The following TRAP1 variants were observed in gnomAD, a reference collection of about 807,000 sequenced individuals.
TRAP1 encodes heat shock protein 75 kDa, mitochondrial.
TRAP1 carries 102 observed loss-of-function variants against 89.1 expected under a neutral mutation model. The ratio of observed to expected loss-of-function variants is 1.15; its 90% CI spans 0.98 to 1.35. The LOEUF (loss-of-function observed/expected upper bound fraction) is 1.35, where lower values mean the gene tolerates loss of function less well. TRAP1 is among the 40% of genes most tolerant of loss of function. The pLI, the probability that TRAP1 is intolerant of heterozygous loss-of-function variation, is 0.00. For missense variants in TRAP1, 1,256 were observed against 945.3 expected, an observed-to-expected ratio of 1.33 and a Z score of -4.31; for synonymous variants, 508 against 388.0, an observed-to-expected ratio of 1.31 and a Z score of -3.64.
chr16:3,708,439 C>T (rs906409054), intron 1 of TRAP1, among the ~76,000 whole-genome samples: 1 of 151,984 alleles, frequency 6.6e-6, no homozygotes, highest in Non-Finnish European at 1.5e-5. Context: ...GAGTTCAAGA[C>T]CAGCCTGATC....
intron 17 of TRAP1, 195 bp downstream of exon 17, chr16:3,658,598 G>A (rs535888326): frequency 2.0e-5 from 12 of 597,622 alleles, no homozygotes; most frequent in African/African-American, 5.6e-5. Context: ...GCTTGAACCC[G>A]GGAGGCAGAG....
intron 10 of TRAP1, 70 bp from the exon 11 acceptor site, chr16:3,671,861 C>G: frequency 6.6e-7 from 1 of 1,522,770 alleles, no homozygotes; most frequent in African/African-American, 1.4e-5. Flanking sequence ...CCCCATTAAC[C>G]TGCCCTTTGT....
At chr16:3,703,881 G>A (rs1255846575) in intron 1 of TRAP1, among the ~76,000 whole-genome samples, 3 of 151,690 alleles carry the variant, frequency 2.0e-5, no homozygotes, top group African/African-American at 7.3e-5. Context: ...CGGGCGTGGT[G>A]GCGGGTGCCT....
chr16:3,702,772 G>A (rs547038093), intron 1 of TRAP1, among the ~76,000 whole-genome samples: 2 of 151,744 alleles, frequency 1.3e-5, no homozygotes, highest in Admixed American at 1.3e-4. Flanking sequence ...GCTGGGTGCG[G>A]TGGCTCACAC....
intron 1 of TRAP1, among the ~76,000 whole-genome samples, chr16:3,705,153 G>A (rs528484284): frequency 5.3e-5 from 8 of 152,040 alleles, no homozygotes; most frequent in Non-Finnish European, 8.8e-5. Flanking sequence ...TAAGCTCTGC[G>A]TCCTGGGTTC....
At chr16:3,680,776 G>T (rs1367468885) in intron 4 of TRAP1, among the ~76,000 whole-genome samples, 1 of 152,170 alleles carries the variant, frequency 6.6e-6, no homozygotes. Flanking sequence ...ATGGGAGTAG[G>T]GCCCTTAGAA....
At chr16:3,715,225 T>C (rs921687770) in intron 1 of TRAP1, among the ~76,000 whole-genome samples, 3 of 151,966 alleles carry the variant, frequency 2.0e-5, no homozygotes, top group Non-Finnish European at 4.4e-5. Context: ...GATCACGAGG[T>C]CAGGAGATCG....
chr16:3,663,330 T>C (rs1471843694), intron 14 of TRAP1, 94 bp downstream of exon 14: 1 of 1,539,126 alleles, frequency 6.5e-7, no homozygotes, highest in African/African-American at 1.4e-5. Flanking sequence ...CCAGGTCAAC[T>C]GACGAAAACC....
At position 3,661,822 on chromosome 16, in the gene TRAP1, A is replaced by G. The variant is rs2043092570; in HGVS notation, c.1940+165T>C. 29 of 903,084 alleles carry G rather than the reference A, an allele frequency of 3.2e-5. No homozygotes were observed. The South Asian group carries it at 7.4e-4, about 23-fold the overall frequency. 55.9% of individuals were successfully genotyped at this position (903,084 alleles called of 1,614,324 possible). ...GATGGTAAGGGGCTGGCCAGGTTCC[A>G]TTTCACATGGGTGCAGCCTAAACTG... On this transcript the variant is annotated intron_variant, in intron 16 of 17. Transcript: ENST00000246957.
chr16:3,689,401 C>A (rs187837257), intron 2 of TRAP1, among the ~76,000 whole-genome samples: 3 of 152,170 alleles, frequency 2.0e-5, no homozygotes, highest in Non-Finnish European at 4.4e-5. Flanking sequence ...CCTGCCACCA[C>A]GCCCGGCTAA....
At chr16:3,668,002 C>T (rs1282473518) in intron 11 of TRAP1, among the ~76,000 whole-genome samples, 2 of 148,946 alleles carry the variant, frequency 1.3e-5, no homozygotes, top group African/African-American at 2.5e-5. Context: ...GATTTTGGCG[C>T]ACTGCAATCT....
At chr16:3,667,664 T>A (rs59079335) in intron 11 of TRAP1, among the ~76,000 whole-genome samples, 14,232 of 150,690 alleles carry the variant, frequency 0.094, 964 homozygotes, top group African/African-American at 0.2. Flanking sequence ...AATAAAAAAA[T>A]TTTATTAATG....
chr16:3,694,184 T>C (rs760331240), intron 1 of TRAP1, among the ~76,000 whole-genome samples: 8 of 151,872 alleles, frequency 5.3e-5, no homozygotes, highest in Non-Finnish European at 1.0e-4. Context: ...TCTATGTGAG[T>C]CCTGGCTGTG....
chr16:3,660,523 C>G (rs1461862189), intron 16 of TRAP1: 1 of 152,098 alleles, frequency 6.6e-6, no homozygotes, highest in Non-Finnish European at 1.5e-5. Context: ...AGCTATCTCA[C>G]AAAACTAGTT....
chr16:3,669,267 T>G lies in TRAP1; in HGVS notation c.1235+2455A>C, dbSNP rs373286037. 2.6e-5 allele frequency among the ~76,000 whole-genome samples: 4 copies of G among 152,268 alleles called. No individual in the cohort carries two copies. The South Asian group carries it at 8.3e-4, about 32-fold the overall frequency. On this transcript the variant is annotated intron_variant, in intron 11 of 17. Transcript: ENST00000246957. ...GTCAGTACACCAAAGAGCACGACTC[T>G]AACGACCACAGAACAGTCGCTGCTG...
intron 11 of TRAP1, among the ~76,000 whole-genome samples, chr16:3,668,282 A>G (rs1272526058): frequency 6.7e-6 from 1 of 148,996 alleles, no homozygotes; most frequent in Non-Finnish European, 1.5e-5. Flanking sequence ...CTGGTCTCGA[A>G]CTCCTGACCT....
chr16:3,710,703 C>T (rs2051516646), intron 1 of TRAP1, among the ~76,000 whole-genome samples: 1 of 152,080 alleles, frequency 6.6e-6, no homozygotes, highest in Non-Finnish European at 1.5e-5. Context: ...ATTTCTCCTT[C>T]GAGGTGCATA....
At chr16:3,694,651 G>T (rs1397937595) in intron 1 of TRAP1, among the ~76,000 whole-genome samples, 3 of 152,028 alleles carry the variant, frequency 2.0e-5, no homozygotes, top group Admixed American at 6.6e-5. Context: ...TTTTAAAAAA[G>T]AATAAAAATA....
chr16:3,672,812 G>A lies in TRAP1; in HGVS notation c.1053C>T (p.Ser351=). The A allele has an allele frequency of 1.2e-6, 2 of 1,612,768 alleles. No individual in the cohort carries two copies. Among genetic ancestry groups the A allele is most frequent in the Non-Finnish European group, 1.7e-6 (2 of 1,179,638 alleles). The change falls in exon 10 of 18, where the codon TCC becomes TCT. Residue 351 remains serine, a synonymous_variant. Transcript: ENST00000246957. ...SIFYVPDMKP[S]MFDVSRELGS... ...CCAGCTCCCGGCTCACATCAAACAT[G>A]GACGGTTTCTGGGGGTGAGGAGAAC...
Sources: allele counts gnomAD v4.1 joint callset (sites outside exome capture counted in the v4.1 genomes callset), GRCh38; gene constraint gnomAD v4.1.1; transcripts MANE v1.5; gene names NCBI Gene and HGNC (gene_info 2026-07-23, HGNC 2026-07-21).